Variants in FILIP1L observed in about 807,000 individuals in gnomAD.
FILIP1L encodes the protein filamin A-interacting protein 1-like.
FILIP1L carries 55 observed loss-of-function variants against 96.6 expected under a neutral mutation model. The observed-to-expected ratio is 0.57, with a 90% CI of 0.46 to 0.71. The LOEUF is 0.71. Among genes scored for constraint, FILIP1L ranks in the 30% least tolerant of loss-of-function variants. The pLI is 0.00. For missense variants in FILIP1L, 1,304 were observed against 1,321.2 expected, an observed-to-expected ratio of 0.99 and a Z score of 0.20; for synonymous variants, 467 against 473.9, an observed-to-expected ratio of 0.99 and a Z score of 0.19.
At chr3:100,029,685 GAGAAC>G (rs2064989316) in intron 1 of FILIP1L, among the ~76,000 whole-genome samples, 1 of 152,156 alleles carries the variant, frequency 6.6e-6, no homozygotes, top group Admixed American at 6.6e-5. Flanking sequence ...TTAAGTGTGT[GAGAAC>G]AGTACAACAT....
At chr3:100,066,111 A>G (rs1033094341) in intron 1 of FILIP1L, among the ~76,000 whole-genome samples, 14 of 152,218 alleles carry the variant, frequency 9.2e-5, no homozygotes, top group African/African-American at 3.4e-4. Flanking sequence ...AGAGATTACC[A>G]TCTATTTTCC....
At chr3:100,103,942 A>G (rs1033771627) in intron 1 of FILIP1L, among the ~76,000 whole-genome samples, 7 of 152,196 alleles carry the variant, frequency 4.6e-5, no homozygotes, top group Non-Finnish European at 1.0e-4. Context: ...AAGGTTCCTG[A>G]CAGCTTGTTT....
chr3:99,904,094 A>G (rs1327458934), intron 4 of FILIP1L, among the ~76,000 whole-genome samples: 1 of 152,202 alleles, frequency 6.6e-6, no homozygotes, highest in Non-Finnish European at 1.5e-5. Context: ...ACCTGGTTTA[A>G]GCTGCCCAAT....
intron 4 of FILIP1L, among the ~76,000 whole-genome samples, chr3:99,916,064 G>A (rs1322799037): frequency 1.3e-5 from 2 of 152,172 alleles, no homozygotes; most frequent in African/African-American, 4.8e-5. Flanking sequence ...TGTCTGAATA[G>A]CTGGTTAAAC....
chr3:100,103,123 TC>T (rs1297171185), intron 1 of FILIP1L, among the ~76,000 whole-genome samples: 1 of 152,178 alleles, frequency 6.6e-6, no homozygotes, highest in African/African-American at 2.4e-5. Context: ...TTTTGTATAT[TC>T]CTGTTCACCC....
chr3:99,943,273 T>G (rs1190691648), intron 1 of FILIP1L, among the ~76,000 whole-genome samples: 3 of 152,188 alleles, frequency 2.0e-5, no homozygotes, highest in African/African-American at 7.2e-5. Context: ...TCAAAGGAGG[T>G]TTGAAGACAT....
chr3:99,995,964 A>G (rs1336871066), intron 1 of FILIP1L, among the ~76,000 whole-genome samples: 3 of 152,010 alleles, frequency 2.0e-5, no homozygotes, highest in Admixed American at 6.6e-5. Context: ...CCCTGGAGAC[A>G]TTTTCCCCAT....
At chr3:99,873,694 C>T (rs1047510907) in intron 4 of FILIP1L, among the ~76,000 whole-genome samples, 3 of 151,902 alleles carry the variant, frequency 2.0e-5, no homozygotes, top group Admixed American at 2.0e-4. Flanking sequence ...AGCAGAGAAC[C>T]CTTAAACAAA....
chr3:100,070,020 T>TA (rs201906297), intron 1 of FILIP1L, among the ~76,000 whole-genome samples: 1,786 of 152,292 alleles, frequency 0.012, 23 homozygotes, highest in African/African-American at 0.026. Flanking sequence ...GATCCTCAAA[T>TA]AAAAAACTCA....
chr3:99,902,261 A>G (rs1440105072), intron 4 of FILIP1L, among the ~76,000 whole-genome samples: 1 of 152,220 alleles, frequency 6.6e-6, no homozygotes, highest in African/African-American at 2.4e-5. Context: ...CTTGACAACC[A>G]AAAGTATGAG....
At chr3:100,086,435 G>C (rs1041098039) in intron 1 of FILIP1L, among the ~76,000 whole-genome samples, 41 of 152,076 alleles carry the variant, frequency 2.7e-4, no homozygotes, top group African/African-American at 9.9e-4. Context: ...AAAAATCCAG[G>C]TTCTACTCTT....
At chr3:99,841,940 A>G (rs1239184630) in intron 5 of FILIP1L, among the ~76,000 whole-genome samples, 2 of 152,226 alleles carry the variant, frequency 1.3e-5, no homozygotes, top group East Asian at 1.9e-4. Flanking sequence ...TTAAAGAACT[A>G]AAAGTAGATC....
At chr3:99,863,552 A>C (rs1216343771) in intron 4 of FILIP1L, among the ~76,000 whole-genome samples, 1 of 152,220 alleles carries the variant, frequency 6.6e-6, no homozygotes, top group African/African-American at 2.4e-5. Context: ...CAGCAGATTG[A>C]AAGATACCCT....
chr3:99,966,709 A>G (rs1021032637), intron 1 of FILIP1L, among the ~76,000 whole-genome samples: 3 of 152,242 alleles, frequency 2.0e-5, no homozygotes, highest in African/African-American at 7.2e-5. Context: ...AAATAGAATC[A>G]TTCTAATAAA....
At chr3:99,841,194 C>T (rs532706843) in intron 5 of FILIP1L, among the ~76,000 whole-genome samples, 121 of 152,316 alleles carry the variant, frequency 7.9e-4, no homozygotes, top group Non-Finnish European at 1.3e-3. Context: ...GCATAAGGAT[C>T]GTTTCCACTC....
chr3:100,082,430 T>C (rs530114485), intron 1 of FILIP1L, among the ~76,000 whole-genome samples: 4 of 152,370 alleles, frequency 2.6e-5, no homozygotes, highest in African/African-American at 9.6e-5. Flanking sequence ...ACTGTTATCA[T>C]AACTTACAGC....
At chr3:99,995,051 A>G (rs531691405) in intron 1 of FILIP1L, among the ~76,000 whole-genome samples, 2 of 152,262 alleles carry the variant, frequency 1.3e-5, no homozygotes, top group East Asian at 1.9e-4. Context: ...AACAGCACCC[A>G]AAGTCTTAAC....
At chr3:100,109,633 G>T (rs975848539) in intron 1 of FILIP1L, among the ~76,000 whole-genome samples, 6 of 152,114 alleles carry the variant, frequency 3.9e-5, no homozygotes, top group African/African-American at 1.4e-4. Context: ...TGCAATTGAG[G>T]TTCATGCATA....
At chr3:99,954,213 C>T (rs1708256136) in intron 1 of FILIP1L, among the ~76,000 whole-genome samples, 1 of 152,228 alleles carries the variant, frequency 6.6e-6, no homozygotes, top group African/African-American at 2.4e-5. Flanking sequence ...CCATGCCCAA[C>T]ATCACATAGC....
Sources: gnomAD v4.1 joint callset for allele counts (sites outside exome capture counted in the v4.1 genomes callset) on GRCh38, gnomAD v4.1.1 for gene constraint, MANE v1.5 for transcripts, NCBI Gene and HGNC (gene_info 2026-07-23, HGNC 2026-07-21) for gene names.